CMC2: variants seen among roughly 807,000 people sequenced by gnomAD.
CMC2 encodes the protein C-X9-C motif containing 2, also known as COX assembly mitochondrial protein 2 homolog.
A neutral mutation model predicts 7.5 loss-of-function variants in CMC2; 5 were observed. The ratio of observed to expected loss-of-function variants is 0.66; its 90% CI spans 0.35 to 1.40. The LOEUF (loss-of-function observed/expected upper bound fraction) is 1.40. Among genes scored for constraint, CMC2 ranks in the 40% most tolerant of loss-of-function variants. CMC2 has a pLI of 0.04. For missense variants in CMC2, 115 were observed against 92.3 expected (o/e 1.25, Z -1.01); for synonymous variants, 37 against 31.4 (o/e 1.18, Z -0.60).
rs945324705 is a variant in CMC2, at chr16:80,983,044, A to G, written c.82-1167T>C. On this transcript the variant is annotated intron_variant, in intron 2 of 3. Coordinates refer to ENST00000219400, the MANE Select transcript of CMC2 (RefSeq NM_020188.5). ...CTGACATACATCATCTTGTAAACAG[A>G]TGATGTAAACTTACAATATCAATAA... 3.1e-5 allele frequency: 5 copies of G among 162,954 alleles called. No individual in the cohort carries two copies. The East Asian group carries it at 8.9e-4, about 29-fold the overall frequency. 10.1% of individuals were successfully genotyped at this position (162,954 alleles called of 1,614,324 possible).
intron 2 of CMC2, among the ~76,000 whole-genome samples, chr16:80,992,963 G>A (rs1015502581): frequency 3.3e-5 from 5 of 151,940 alleles, no homozygotes; most frequent in Admixed American, 6.6e-5. Flanking sequence ...TATTGTCTCT[G>A]GAATTCAGGG....
At chr16:80,978,144 C>T in intron 3 of CMC2, 1 of 348,300 alleles carries the variant, frequency 2.9e-6, no homozygotes, top group Non-Finnish European at 4.2e-6. Flanking sequence ...ATCTATCATA[C>T]ATTAAATTTA....
At position 80,997,307 on chromosome 16, in the gene CMC2, C is replaced by G; in HGVS notation, c.81+7G>C. The stretch of plus-strand genomic sequence containing the variant: ...TTGGCTGTACAGTCGTTTTTCTGAA[C>G]TCTTACATTTTTGTGACATTCCTTA... On this transcript the variant is annotated splice_region_variant and intron_variant, in intron 2 of 3. Transcript: ENST00000219400. 1 of 875,074 alleles carries G rather than the reference C, an allele frequency of 1.1e-6. No individual in the cohort carries two copies. The highest frequency in any genetic ancestry group is 1.8e-6 in the Non-Finnish European group (1 of 549,264). 54.2% of individuals were successfully genotyped at this position (875,074 alleles called of 1,614,324 possible). A position where few individuals can be genotyped will look rare whatever the true frequency, so the allele number is the denominator to read the frequency against.
At chr16:80,983,597 C>T (rs1281767182) in intron 2 of CMC2, 3 of 152,246 alleles carry the variant, frequency 2.0e-5, no homozygotes, top group Non-Finnish European at 2.9e-5. Context: ...CACTACCAAA[C>T]ACTGTCCTGT....
chr16:80,969,532 C>T lies in CMC2; in HGVS notation c.*6561G>A, dbSNP rs72813718. On this transcript the variant is annotated 3_prime_UTR_variant, in exon 4 of 4. Coordinates refer to ENST00000219400, the MANE Select transcript of CMC2 (RefSeq NM_020188.5). ...CGTAGGGTTCCCTCCCAGGACAAGA[C>T]TCCAAAGTGAGGAGGAACTGCAGGG... The T allele has an allele frequency of 0.034, 5,209 of 151,906 alleles. 121 individuals carry two copies. The highest frequency in any genetic ancestry group is 0.051 in the Non-Finnish European group (3,484 of 68,090). 9.4% of individuals were successfully genotyped at this position (151,906 alleles called of 1,614,324 possible).
rs1440132190 is a variant in CMC2 at position 80,973,471 on chromosome 16, T to G, written c.*2622A>C. ...TCAACCAATCCTCACAATAACTCTA[T>G]GTGACAGGTACTGTCACTGGGTTGA... On this transcript the variant is annotated 3_prime_UTR_variant, in exon 4 of 4. Coordinates refer to ENST00000219400, the MANE Select transcript of CMC2 (RefSeq NM_020188.5). 6.6e-6 allele frequency: 1 copy of G among 152,192 alleles called. No individual in the cohort carries two copies. Among genetic ancestry groups the G allele is most frequent in the Non-Finnish European group, 1.5e-5 (1 of 68,026 alleles). The allele number at this position is 152,192 out of a possible 1,614,324, so 9.4% of individuals were successfully genotyped here. A position where few individuals can be genotyped will look rare whatever the true frequency, so the allele number is the denominator to read the frequency against.
In CMC2 at chr16:80,976,153, C is replaced by T. The variant is rs1239640443; in HGVS notation, c.180G>A (p.Arg60=). Residue 60 remains arginine (R), a synonymous_variant, in exon 4 of 4, where the codon AGG becomes AGA. Coordinates refer to ENST00000219400, the MANE Select transcript of CMC2 (RefSeq NM_020188.5). ...TCTTTCGCATTGCAATGCCATGCTC[C>T]CTGCTCTTGGTCCTGTTTTCTACGT... ...NEYVENRTKS[R]EHGIAMRKKL... is the part of the protein sequence containing the mutation. 6.2e-7 allele frequency: 1 copy of T among 1,606,556 alleles called. No homozygotes were observed. The highest frequency in any genetic ancestry group is 8.5e-7 in the Non-Finnish European group (1 of 1,174,416).
Position 80,976,044 on chromosome 16 carries a change from C to T in CMC2, c.*49G>A, listed in dbSNP as rs1230091648. On this transcript the variant is annotated 3_prime_UTR_variant, in exon 4 of 4. Transcript: ENST00000219400. ...GACAGGATTCTTTCAGGTATCAACC[C>T]AGAGTCTTTAGGTCTTCTCTCAGCC... 4 of 1,040,732 alleles carry T rather than the reference C, an allele frequency of 3.8e-6. No homozygotes were observed. The highest frequency in any genetic ancestry group is 6.0e-6 in the Non-Finnish European group (4 of 662,266). The allele number at this position is 1,040,732 out of a possible 1,614,324, so 64.5% of individuals were successfully genotyped here.
At chr16:80,998,746 T>C (rs997059067) in intron 1 of CMC2, 1 of 152,174 alleles carries the variant, frequency 6.6e-6, no homozygotes, top group Non-Finnish European at 1.5e-5. Flanking sequence ...TGTGAGGACA[T>C]TCTGAATGAA....
At chr16:80,993,840 G>A (rs1968200537) in intron 2 of CMC2, among the ~76,000 whole-genome samples, 1 of 152,080 alleles carries the variant, frequency 6.6e-6, no homozygotes, top group African/African-American at 2.4e-5. Context: ...TGTAGAAAAT[G>A]ACAAGCTGAT....
intron 1 of CMC2, chr16:81,001,461 T>C (rs1336994116): frequency 6.6e-6 from 1 of 151,424 alleles, no homozygotes; most frequent in African/African-American, 2.4e-5. Context: ...CAGAGGGAGG[T>C]GGAAGGGCAG....
At chr16:80,979,360 A>T (rs1966932787) in intron 3 of CMC2, among the ~76,000 whole-genome samples, 1 of 152,154 alleles carries the variant, frequency 6.6e-6, no homozygotes, top group Non-Finnish European at 1.5e-5. Context: ...ACTCAGACAA[A>T]ATAAGAAAAA....
At position 80,981,825 on chromosome 16, in the gene CMC2, C is replaced by T. The variant is rs184621299; in HGVS notation, c.134G>A (p.Arg45Lys). 162 of 1,609,894 alleles carry T rather than the reference C, an allele frequency of 1.0e-4. 1 individual carries two copies. In the East Asian group the frequency reaches 3.6e-3, roughly 35 times the overall value. ...TCTTACCTCATTCTTCAGGCATTTT[C>T]TCAACTCCCGATCAACATCATTACA... is the stretch of plus-strand genomic sequence containing the variant. ...GYCNDVDREL[R>K]KCLKNEYVEN... The change falls in exon 3 of 4, where the codon AGA becomes AAA. Residue 45 changes from arginine to lysine, a missense_variant. Arg to Lys is a conservative substitution (Grantham distance 26, BLOSUM62 2). Coordinates refer to ENST00000219400, the MANE Select transcript of CMC2 (RefSeq NM_020188.5).
intron 3 of CMC2, chr16:80,980,722 C>G: frequency 1.6e-6 from 1 of 640,860 alleles, no homozygotes; most frequent in Non-Finnish European, 2.8e-6. Context: ...AGACTCTCAT[C>G]TCTACAAAAA....
At chr16:81,005,270 A>G (rs1453223387) in intron 1 of CMC2, among the ~76,000 whole-genome samples, 1 of 152,118 alleles carries the variant, frequency 6.6e-6, no homozygotes, top group Non-Finnish European at 1.5e-5. Flanking sequence ...AAAATACAAA[A>G]ATTAGCCAGG....
intron 1 of CMC2, among the ~76,000 whole-genome samples, chr16:80,999,225 T>C (rs1348794259): frequency 6.6e-6 from 1 of 152,202 alleles, no homozygotes; most frequent in Non-Finnish European, 1.5e-5. Flanking sequence ...AGTTTCAGGA[T>C]ACAAGATCAA....
chr16:80,992,638 T>C (rs1387063357), intron 2 of CMC2, among the ~76,000 whole-genome samples: 3 of 152,180 alleles, frequency 2.0e-5, no homozygotes, highest in Admixed American at 2.0e-4. Context: ...CTTTTCTTTT[T>C]TTTTTAAATT....
chr16:80,984,573 A>C (rs1484186544), intron 2 of CMC2, among the ~76,000 whole-genome samples: 1 of 150,904 alleles, frequency 6.6e-6, no homozygotes, highest in African/African-American at 2.5e-5. Flanking sequence ...TTTTGTACTT[A>C]ATTTTTATTT....
intron 1 of CMC2, among the ~76,000 whole-genome samples, chr16:81,002,578 C>T (rs916029943): frequency 6.6e-6 from 1 of 152,186 alleles, no homozygotes; most frequent in East Asian, 1.9e-4. Flanking sequence ...TTATGATGTA[C>T]TGAAATGATT....
Sources: gnomAD v4.1 joint callset for allele counts (sites outside exome capture counted in the v4.1 genomes callset) on GRCh38, gnomAD v4.1.1 for gene constraint, MANE v1.5 for transcripts, NCBI Gene and HGNC (gene_info 2026-07-23, HGNC 2026-07-21) for gene names.